PCDHAC1: variants seen among roughly 807,000 people sequenced by gnomAD.
PCDHAC1 encodes protocadherin alpha-C1.
PCDHAC1 carries 42 observed loss-of-function variants against 60.0 expected under a neutral mutation model. The ratio of observed to expected loss-of-function variants is 0.70; its 90% confidence interval spans 0.55 to 0.90. The LOEUF is 0.90. Ranked by LOEUF, PCDHAC1 falls within the 40% of genes least tolerant of loss-of-function variation. The pLI is 0.00. For synonymous variants in PCDHAC1, 468 were observed against 499.3 expected, an observed-to-expected ratio of 0.94 and a Z score of 0.84; for missense variants, 1,160 against 1,222.3, an observed-to-expected ratio of 0.95 and a Z score of 0.76.
At chr5:140,965,607 T>C (rs2095916367) in intron 1 of PCDHAC1, among the ~76,000 whole-genome samples, 1 of 152,088 alleles carries the variant, frequency 6.6e-6, no homozygotes, top group Non-Finnish European at 1.5e-5. Flanking sequence ...CTTGAAGACA[T>C]TGTCATCCAT....
chr5:140,988,864 C>T (rs1017144453), intron 3 of PCDHAC1: 2 of 152,190 alleles, frequency 1.3e-5, no homozygotes, highest in Non-Finnish European at 2.9e-5. Flanking sequence ...GTCTCATGTG[C>T]ACTCAGATGT....
chr5:140,926,704 T>A lies in PCDHAC1; in HGVS notation c.-189T>A. ...CAGCCTAGCAAGCCCGGCTCCCAGC[T>A]GGCCAGCCCCGGCAATGCCGGCGTT... On this transcript the variant is annotated 5_prime_UTR_variant, in exon 1 of 4. Coordinates refer to ENST00000253807, the MANE Select transcript of PCDHAC1 (RefSeq NM_018898.5). The A allele has an allele frequency of 1.2e-6, 1 of 842,670 alleles. No individual in the cohort carries two copies. Among genetic ancestry groups the A allele is most frequent in the Non-Finnish European group, 1.7e-6 (1 of 598,056 alleles). 52.2% of individuals were successfully genotyped at this position (842,670 alleles called of 1,614,324 possible).
chr5:140,947,585 G>C (rs773594834), intron 1 of PCDHAC1, among the ~76,000 whole-genome samples: 5 of 151,544 alleles, frequency 3.3e-5, no homozygotes, highest in Non-Finnish European at 3.0e-5. Context: ...TTAACATTTA[G>C]ATCAATTTAG....
chr5:141,011,924 AG>A lies in PCDHAC1; in HGVS notation c.*1989del, dbSNP rs1246091886. Reference sequence around the variant, plus strand: ...ATTTAGGCATTAATATAAAAGAGGTAGGAGTCTGTTATTTAAAAAAAGCATT... The same window carrying A: ...ATTTAGGCATTAATATAAAAGAGGTAGAGTCTGTTATTTAAAAAAAGCATT... On this transcript the variant is annotated 3_prime_UTR_variant, in exon 4 of 4. Coordinates refer to ENST00000253807, the MANE Select transcript of PCDHAC1 (RefSeq NM_018898.5). 1 of 153,728 alleles carries A rather than the reference AG, an allele frequency of 6.5e-6. No homozygotes were observed. Among genetic ancestry groups the A allele is most frequent in the Non-Finnish European group, 1.5e-5 (1 of 68,042 alleles). 9.5% of individuals were successfully genotyped at this position (153,728 alleles called of 1,614,324 possible).
Position 141,003,903 on chromosome 5 carries a change from G to C in PCDHAC1, c.2582-5724G>C, listed in dbSNP as rs150270772. Among the ~76,000 whole-genome samples, 254 of 152,194 alleles carry C rather than the reference G, an allele frequency of 1.7e-3. 1 individual carries two copies. Among genetic ancestry groups the C allele is most frequent in the Non-Finnish European group, 3.4e-3 (231 of 67,998 alleles). ...AGCCTCTTAACAGGCCCATTCATTT[G>C]GGTCTTGACTGCATCCTCAGTCTTG... On this transcript the variant is annotated intron_variant, in intron 3 of 3. Coordinates refer to ENST00000253807, the MANE Select transcript of PCDHAC1 (RefSeq NM_018898.5).
chr5:141,003,981 C>T (rs1485203944), intron 3 of PCDHAC1, among the ~76,000 whole-genome samples: 9 of 152,072 alleles, frequency 5.9e-5, no homozygotes, highest in Admixed American at 2.6e-4. Flanking sequence ...GGGGACTTGC[C>T]GGAGATCCTA....
chr5:140,959,424 G>A (rs957625236), intron 1 of PCDHAC1, among the ~76,000 whole-genome samples: 1 of 152,104 alleles, frequency 6.6e-6, no homozygotes, highest in Non-Finnish European at 1.5e-5. Context: ...CTGAGAATTT[G>A]TGTATTTTTT....
intron 1 of PCDHAC1, among the ~76,000 whole-genome samples, chr5:140,946,631 T>TATATATATATATATACACAC (rs57893927): frequency 7.6e-6 from 1 of 131,856 alleles, no homozygotes; most frequent in East Asian, 2.1e-4. Flanking sequence ...TATATATATA[T>TATATATATATATATACACAC]ACAATGGAAT....
chr5:140,951,659 C>A (rs1293655737), intron 1 of PCDHAC1, among the ~76,000 whole-genome samples: 1 of 152,164 alleles, frequency 6.6e-6, no homozygotes, highest in Non-Finnish European at 1.5e-5. Context: ...CCCACCAGGG[C>A]CTGCCTACAA....
intron 1 of PCDHAC1, chr5:140,967,799 A>G: frequency 1.2e-6 from 2 of 1,614,190 alleles, no homozygotes; most frequent in Non-Finnish European, 1.7e-6. Context: ...TCCAGTGCCC[A>G]TGGCAGGTCA....
intron 1 of PCDHAC1, among the ~76,000 whole-genome samples, chr5:140,946,631 T>TATATATATATATATATATACACAC (rs57893927): frequency 7.6e-6 from 1 of 131,846 alleles, no homozygotes; most frequent in South Asian, 2.2e-4. Context: ...TATATATATA[T>TATATATATATATATATATACACAC]ACAATGGAAT....
At chr5:141,006,108 T>G (rs1268824828) in intron 3 of PCDHAC1, among the ~76,000 whole-genome samples, 3 of 151,864 alleles carry the variant, frequency 2.0e-5, no homozygotes, top group Non-Finnish European at 4.4e-5. Flanking sequence ...GTAAGGAGTT[T>G]TTTTTTTTTT....
intron 3 of PCDHAC1, among the ~76,000 whole-genome samples, chr5:140,987,919 A>G (rs1441531471): frequency 1.3e-5 from 2 of 152,082 alleles, no homozygotes; most frequent in East Asian, 3.9e-4. Context: ...TATATTCTTA[A>G]TTGTCTCAAG....
chr5:140,969,177 A>C, intron 1 of PCDHAC1: 2 of 1,614,086 alleles, frequency 1.2e-6, no homozygotes, highest in Non-Finnish European at 1.7e-6. Flanking sequence ...TCAGGGAGTG[A>C]CACTTTCATG....
rs150949805 is a variant in PCDHAC1, at chr5:141,009,832, C to T, written c.2787C>T (p.Phe929=). The stretch of plus-strand genomic sequence containing the variant: ...TTGACAAAAGTGACTTCATAACCTT[C>T]GGCAAAAAGGAGGAGACCAAGAAAA... ...SQIDKSDFIT[F]GKKEETKKKK... The change falls in exon 4 of 4, where the codon TTC becomes TTT. Residue 929 remains phenylalanine (F), a synonymous_variant. Coordinates refer to ENST00000253807, the MANE Select transcript of PCDHAC1 (RefSeq NM_018898.5). The T allele has an allele frequency of 7.1e-5, 114 of 1,613,408 alleles. No individual in the cohort carries two copies. The highest frequency in any genetic ancestry group is 9.2e-5 in the Non-Finnish European group (109 of 1,179,918).
At chr5:141,003,046 A>C (rs530303478) in intron 3 of PCDHAC1, among the ~76,000 whole-genome samples, 76 of 152,356 alleles carry the variant, frequency 5.0e-4, no homozygotes, top group African/African-American at 1.8e-3. Context: ...TCCTGGCCTT[A>C]ACAGAACAGT....
intron 1 of PCDHAC1, among the ~76,000 whole-genome samples, chr5:140,944,007 C>T (rs1181625750): frequency 1.3e-5 from 2 of 152,046 alleles, no homozygotes; most frequent in Non-Finnish European, 2.9e-5. Flanking sequence ...TGAGTACCCC[C>T]CAAAAGCAAT....
intron 3 of PCDHAC1, among the ~76,000 whole-genome samples, chr5:140,997,957 C>T (rs1051643572): frequency 6.6e-5 from 10 of 152,156 alleles, no homozygotes; most frequent in East Asian, 1.9e-4. Context: ...TTGGCATTCA[C>T]GTACCTGTGG....
intron 1 of PCDHAC1, among the ~76,000 whole-genome samples, chr5:140,961,680 C>T (rs989401730): frequency 3.3e-5 from 5 of 152,040 alleles, no homozygotes; most frequent in African/African-American, 4.8e-5. Flanking sequence ...TTAATTAAGC[C>T]GGAGTAGTCC....
Sources: allele counts gnomAD v4.1 joint callset (sites outside exome capture counted in the v4.1 genomes callset), GRCh38; gene constraint gnomAD v4.1.1; transcripts MANE v1.5; gene names NCBI Gene and HGNC (gene_info 2026-07-23, HGNC 2026-07-21).